The following LAMA2 variants were observed in gnomAD, a reference collection of about 807,000 sequenced individuals.
The protein encoded by LAMA2 is laminin subunit alpha 2.
Under a neutral mutation model 364.8 loss-of-function variants are expected in LAMA2, and 269 were observed. The observed-to-expected ratio is 0.74, with a 90% CI of 0.67 to 0.82. The LOEUF (loss-of-function observed/expected upper bound fraction) is 0.82. Ranked by LOEUF, LAMA2 falls within the 40% of genes least tolerant of loss-of-function variation. The pLI, the probability that LAMA2 is intolerant of heterozygous loss-of-function variation, is 0.00. For missense variants in LAMA2, 3,807 were observed against 3,873.2 expected (o/e 0.98, Z 0.45); for synonymous variants, 1,379 against 1,370.6 (o/e 1.01, Z -0.14).
chr6:128,949,723 T>G (rs1780695792), intron 1 of LAMA2, among the ~76,000 whole-genome samples: 1 of 152,200 alleles, frequency 6.6e-6, no homozygotes, highest in Admixed American at 6.5e-5. Context: ...TAATTCTTTC[T>G]GTTTTTATTT....
Position 128,914,383 on chromosome 6 carries a change from G to A in LAMA2, c.112+31026G>A, listed in dbSNP as rs538012097. ...CATGTTTATTAGAGAAGTGAATGCT[G>A]AAATCAGCGAACAAAATGTAAAGTG... is the stretch of plus-strand genomic sequence containing the variant. On this transcript the variant is annotated intron_variant, in intron 1 of 64. Coordinates refer to ENST00000421865, the MANE Select transcript of LAMA2 (RefSeq NM_000426.4). 2.6e-5 allele frequency among the ~76,000 whole-genome samples: 4 copies of A among 152,262 alleles called. No individual in the cohort carries two copies. In the South Asian group the frequency reaches 8.3e-4, roughly 32 times the overall value.
At chr6:129,417,963 C>A (rs1376220361) in intron 40 of LAMA2, among the ~76,000 whole-genome samples, 2 of 152,114 alleles carry the variant, frequency 1.3e-5, no homozygotes, top group Non-Finnish European at 2.9e-5. Flanking sequence ...CCTGGGTCCA[C>A]AGCTGGCTGG....
intron 4 of LAMA2, among the ~76,000 whole-genome samples, chr6:129,136,384 C>T (rs1020283271): frequency 6.6e-6 from 1 of 151,968 alleles, no homozygotes; most frequent in Non-Finnish European, 1.5e-5. Context: ...TATTTTTGAT[C>T]ATTTTTAAAA....
intron 40 of LAMA2, among the ~76,000 whole-genome samples, chr6:129,405,504 T>C (rs1186880192): frequency 6.6e-6 from 1 of 152,174 alleles, no homozygotes; most frequent in Non-Finnish European, 1.5e-5. Flanking sequence ...TGAGTTGTAA[T>C]GCATTACACC....
chr6:129,184,222 T>C (rs1172318336), intron 10 of LAMA2, among the ~76,000 whole-genome samples: 1 of 151,960 alleles, frequency 6.6e-6, no homozygotes, highest in African/African-American at 2.4e-5. Context: ...ACAGGAATGG[T>C]CACTTCATTA....
chr6:129,263,581 G>A (rs2114331106), intron 15 of LAMA2, among the ~76,000 whole-genome samples: 1 of 152,238 alleles, frequency 6.6e-6, no homozygotes, highest in African/African-American at 2.4e-5. Context: ...GTAAGCAAGG[G>A]GAAAAGTGGG....
chr6:129,370,085 C>T, intron 34 of LAMA2, 95 bp downstream of exon 34: 1 of 953,270 alleles, frequency 1.0e-6, no homozygotes, highest in South Asian at 1.4e-5. Context: ...TCACCTTCTT[C>T]CTAATTCCCA....
chr6:129,403,505 G>C (rs554484555), intron 39 of LAMA2, among the ~76,000 whole-genome samples: 1 of 152,192 alleles, frequency 6.6e-6, no homozygotes, highest in Non-Finnish European at 1.5e-5. Flanking sequence ...GAATCTCACA[G>C]CATGCTTCAC....
chr6:129,160,420 A>T (rs867637834), intron 8 of LAMA2, among the ~76,000 whole-genome samples: 1 of 152,084 alleles, frequency 6.6e-6, no homozygotes, highest in African/African-American at 2.4e-5. Flanking sequence ...TGAAGTCTAT[A>T]GCATCTATAT....
intron 23 of LAMA2, among the ~76,000 whole-genome samples, chr6:129,313,595 A>G (rs777179926): frequency 6.6e-6 from 1 of 152,252 alleles, no homozygotes; most frequent in Non-Finnish European, 1.5e-5. Context: ...AACAGTGACT[A>G]TGTGCAAATT....
chr6:129,373,435 T>G (rs1778198494), intron 34 of LAMA2, among the ~76,000 whole-genome samples: 1 of 152,206 alleles, frequency 6.6e-6, no homozygotes, highest in Admixed American at 6.5e-5. Flanking sequence ...TACATTAGCA[T>G]GGTACATGTG....
intron 3 of LAMA2, among the ~76,000 whole-genome samples, chr6:129,070,534 T>C (rs1773241996): frequency 6.7e-6 from 1 of 148,986 alleles, no homozygotes; most frequent in African/African-American, 2.6e-5. Flanking sequence ...TGAAACTCTT[T>C]TGTAACAGCT....
intron 3 of LAMA2, among the ~76,000 whole-genome samples, chr6:129,092,044 A>G (rs1454643386): frequency 7.9e-5 from 12 of 152,202 alleles, no homozygotes; most frequent in East Asian, 3.9e-4. Context: ...GACTTAATAC[A>G]TTCTCCATTT....
intron 22 of LAMA2, among the ~76,000 whole-genome samples, chr6:129,304,488 C>T (rs552017818): frequency 6.6e-6 from 1 of 152,322 alleles, no homozygotes; most frequent in East Asian, 1.9e-4. Context: ...TGGTCTCGAT[C>T]TCCTGACCTC....
intron 1 of LAMA2, among the ~76,000 whole-genome samples, chr6:128,945,087 TATC>T (rs1465108238): frequency 4.6e-5 from 7 of 152,138 alleles, no homozygotes; most frequent in African/African-American, 1.4e-4. Context: ...TGATGGCAAA[TATC>T]ATACAGAAGA....
intron 4 of LAMA2, among the ~76,000 whole-genome samples, chr6:129,128,932 T>A (rs1777283350): frequency 3.3e-5 from 5 of 152,160 alleles, no homozygotes; most frequent in African/African-American, 1.2e-4. Flanking sequence ...ATTTCTTAAG[T>A]AAACTATCCT....
chr6:129,360,308 T>A (rs12190405), intron 32 of LAMA2, among the ~76,000 whole-genome samples: 22,956 of 152,170 alleles, frequency 0.15, 2,202 homozygotes, highest in Non-Finnish European at 0.21. Flanking sequence ...TTACATTTGG[T>A]TTTAATTTGC....
At chr6:129,086,188 C>T (rs767317176) in intron 3 of LAMA2, among the ~76,000 whole-genome samples, 8 of 152,182 alleles carry the variant, frequency 5.3e-5, no homozygotes, top group East Asian at 1.9e-4. Flanking sequence ...TTTGGTAGAA[C>T]TTCTCATCTA....
intron 4 of LAMA2, among the ~76,000 whole-genome samples, chr6:129,138,716 G>A (rs906248978): frequency 1.3e-5 from 2 of 152,022 alleles, no homozygotes; most frequent in Non-Finnish European, 2.9e-5. Flanking sequence ...ATAAGGTATG[G>A]TAAGATTATT....
Sources: gnomAD v4.1 joint callset for allele counts (sites outside exome capture counted in the v4.1 genomes callset) on GRCh38, gnomAD v4.1.1 for gene constraint, MANE v1.5 for transcripts, NCBI Gene and HGNC (gene_info 2026-07-23, HGNC 2026-07-21) for gene names.